Variants in CTNNBIP1 observed in about 807,000 individuals in gnomAD.
CTNNBIP1 encodes the protein beta-catenin-interacting protein 1.
Under a neutral mutation model 11.8 loss-of-function variants are expected in CTNNBIP1, and 7 were observed. The ratio of observed to expected loss-of-function variants is 0.60; its 90% CI spans 0.34 to 1.12. The LOEUF is 1.12. CTNNBIP1 is among the 50% of genes most tolerant of loss of function. The probability of loss-of-function intolerance (pLI) is 0.03; values close to 1 mark genes in which losing one functional copy is unlikely to be tolerated. For synonymous variants in CTNNBIP1, 58 were observed against 43.9 expected, an observed-to-expected ratio of 1.32 and a Z score of -1.26; for missense variants, 101 against 113.4, an observed-to-expected ratio of 0.89 and a Z score of 0.50.
chr1:9,876,595 C>A (rs776816864), intron 3 of CTNNBIP1, among the ~76,000 whole-genome samples: 1 of 152,052 alleles, frequency 6.6e-6, no homozygotes, highest in South Asian at 2.1e-4. Flanking sequence ...CCAACCTGAG[C>A]GACAGAGTGA....
chr1:9,852,621 G>A (rs1570553837), intron 5 of CTNNBIP1, among the ~76,000 whole-genome samples: 1 of 152,170 alleles, frequency 6.6e-6, no homozygotes. Context: ...TCCCCTGCAC[G>A]GCAGCTGAGT....
chr1:9,882,149 C>T (rs1377881819), intron 2 of CTNNBIP1, among the ~76,000 whole-genome samples: 4 of 152,116 alleles, frequency 2.6e-5, no homozygotes, highest in African/African-American at 9.7e-5. Flanking sequence ...CTGCCAATGG[C>T]TCCAGGGAGA....
At chr1:9,869,457 T>C (rs1638813172) in intron 5 of CTNNBIP1, among the ~76,000 whole-genome samples, 1 of 152,160 alleles carries the variant, frequency 6.6e-6, no homozygotes. Flanking sequence ...CCCAAGTAGC[T>C]GGGATTACAC....
chr1:9,895,052 C>A (rs964297984), intron 1 of CTNNBIP1, among the ~76,000 whole-genome samples: 10 of 152,024 alleles, frequency 6.6e-5, no homozygotes, highest in African/African-American at 2.4e-4. Context: ...GGACTACAGA[C>A]GCCCACCACC....
intron 5 of CTNNBIP1, among the ~76,000 whole-genome samples, chr1:9,854,296 A>T (rs1171240095): frequency 7.0e-6 from 1 of 143,208 alleles, no homozygotes; most frequent in East Asian, 2.3e-4. Flanking sequence ...TGAACCTGGG[A>T]GGTGGAGGTT....
chr1:9,859,521 G>A (rs919517028), intron 5 of CTNNBIP1, among the ~76,000 whole-genome samples: 4 of 152,156 alleles, frequency 2.6e-5, no homozygotes, highest in African/African-American at 9.7e-5. Flanking sequence ...AAAGCCTCCT[G>A]GGGGCCTCTG....
At position 9,871,506 on chromosome 1, in the gene CTNNBIP1, A is replaced by G. The variant is rs1279317340; in HGVS notation, c.97-229T>C. Reference sequence around the variant, plus strand: ...CTTTGCCACTCAGACTGAATCTGAGATTAAGGTCTGTTCTAGTATAGGGCC... The same window carrying G: ...CTTTGCCACTCAGACTGAATCTGAGGTTAAGGTCTGTTCTAGTATAGGGCC... On this transcript the variant is annotated intron_variant, in intron 4 of 5. Transcript: ENST00000377263. The surrounding 1 kb of genome is among the most constrained non-coding windows in gnomAD (Gnocchi z 5.2). Among the ~76,000 whole-genome samples the G allele has an allele frequency of 1.3e-5, 2 of 150,896 alleles. No individual in the cohort carries two copies. The highest frequency in any genetic ancestry group is 1.5e-5 in the Non-Finnish European group (1 of 67,644).
rs1226852330 is a variant in CTNNBIP1, at chr1:9,871,272, T to C, written c.102A>G (p.Thr34=). ...LMLRKMGSNL[T]ASEEEFLRTY... is the part of the protein sequence containing the mutation. ...TGCGCAGGAACTCCTCCTCGCTGGC[T>C]GTCAGCTGCAGGGTGAGAGAGCTGT... Residue 34 remains threonine (T), a synonymous_variant, in exon 5 of 6, where the codon ACA becomes ACG. Coordinates refer to ENST00000377263, the MANE Select transcript of CTNNBIP1 (RefSeq NM_020248.3). The surrounding 1 kb of genome is among the most constrained non-coding windows in gnomAD (Gnocchi z 5.2). 3 of 1,566,296 alleles carry C rather than the reference T, an allele frequency of 1.9e-6. No homozygotes were observed. The South Asian group carries it at 3.5e-5, about 18-fold the overall frequency.
intron 1 of CTNNBIP1, among the ~76,000 whole-genome samples, chr1:9,894,071 C>T (rs1639361589): frequency 6.6e-6 from 1 of 152,104 alleles, no homozygotes; most frequent in African/African-American, 2.4e-5. Context: ...TCCTCCTCAC[C>T]TTTTTCTTTT....
At chr1:9,889,120 C>G (rs1274867708) in intron 1 of CTNNBIP1, among the ~76,000 whole-genome samples, 1 of 152,222 alleles carries the variant, frequency 6.6e-6, no homozygotes, top group Non-Finnish European at 1.5e-5. Flanking sequence ...CAAAGTGCTC[C>G]AGCACAGGCA....
chr1:9,853,555 T>A (rs1638434930), intron 5 of CTNNBIP1, among the ~76,000 whole-genome samples: 3 of 152,222 alleles, frequency 2.0e-5, no homozygotes, highest in Admixed American at 6.5e-5. Context: ...GGCAGCTCCC[T>A]CAGGTAGTCT....
At chr1:9,884,705 C>A (rs1295312919) in intron 1 of CTNNBIP1, among the ~76,000 whole-genome samples, 1 of 152,132 alleles carries the variant, frequency 6.6e-6, no homozygotes, top group African/African-American at 2.4e-5. Context: ...GGAGGGCAGA[C>A]AATAAAACAC....
Position 9,871,937 on chromosome 1 carries a change from G to C in CTNNBIP1, c.96+32C>G. ...CCCTCCCTGGGAGACCCTCCCTGGG[G>C]GCCCGCTGCCTGACACCCCACAGGC... is the stretch of plus-strand genomic sequence containing the variant. On this transcript the variant is annotated intron_variant, in intron 4 of 5. Coordinates refer to ENST00000377263, the MANE Select transcript of CTNNBIP1 (RefSeq NM_020248.3). This position sits in a 1 kb window ranked among gnomAD's most constrained non-coding sequence, Gnocchi z 5.2. 6.3e-7 allele frequency: 1 copy of C among 1,589,556 alleles called. No individual in the cohort carries two copies.
Position 9,851,171 on chromosome 1 carries a change from C to T in CTNNBIP1, c.188-395G>A, listed in dbSNP as rs1324675955. Among the ~76,000 whole-genome samples the T allele has an allele frequency of 1.3e-5, 2 of 152,166 alleles. No individual in the cohort carries two copies. Among genetic ancestry groups the T allele is most frequent in the East Asian group, 1.9e-4 (1 of 5,170 alleles). ...AACCTCCCTCTTTCTTCTCAAGACT[C>T]GCGTCTTGATGCCTTCGGAGGGTCT... On this transcript the variant is annotated intron_variant, in intron 5 of 5. Transcript: ENST00000377263. This position sits in a 1 kb window ranked among gnomAD's most constrained non-coding sequence, Gnocchi z 4.8.
chr1:9,864,689 G>A (rs1208593919), intron 5 of CTNNBIP1, among the ~76,000 whole-genome samples: 1 of 152,182 alleles, frequency 6.6e-6, no homozygotes, highest in Non-Finnish European at 1.5e-5. Context: ...ACTGGCCATG[G>A]GTGGCCTTTG....
chr1:9,874,299 C>T (rs1457739440), intron 3 of CTNNBIP1, among the ~76,000 whole-genome samples: 4 of 152,144 alleles, frequency 2.6e-5, no homozygotes, highest in Non-Finnish European at 5.9e-5. Context: ...TGCTCTGGTG[C>T]CCAGGAGTAC....
chr1:9,906,980 C>A (rs1639632213), intron 1 of CTNNBIP1, among the ~76,000 whole-genome samples: 1 of 152,146 alleles, frequency 6.6e-6, no homozygotes, highest in African/African-American at 2.4e-5. Context: ...TAGAAACTAG[C>A]AGGCATCATA....
intron 1 of CTNNBIP1, among the ~76,000 whole-genome samples, chr1:9,901,002 T>C (rs1037428012): frequency 2.0e-5 from 3 of 152,050 alleles, no homozygotes; most frequent in African/African-American, 7.2e-5. Flanking sequence ...GTAAGTAAAA[T>C]GGGATTATTC....
chr1:9,850,651 C>G lies in CTNNBIP1; in HGVS notation c.*67G>C. Reference sequence around the variant, plus strand: ...GGCAAGGGGGGCTGCTGCCACTCAGCCGGCCCAGGAGCCACACAGATCTCT... The same window carrying G: ...GGCAAGGGGGGCTGCTGCCACTCAGGCGGCCCAGGAGCCACACAGATCTCT... On this transcript the variant is annotated 3_prime_UTR_variant, in exon 6 of 6. Transcript: ENST00000377263. 1.3e-6 allele frequency: 2 copies of G among 1,485,674 alleles called. No individual in the cohort carries two copies. Among genetic ancestry groups the G allele is most frequent in the Non-Finnish European group, 1.9e-6 (2 of 1,063,598 alleles). The allele number at this position is 1,485,674 out of a possible 1,614,324, so 92.0% of individuals were successfully genotyped here.
Sources: allele counts gnomAD v4.1 joint callset (sites outside exome capture counted in the v4.1 genomes callset), GRCh38; gene constraint gnomAD v4.1.1; non-coding constraint Gnocchi (gnomAD v3.1); transcripts MANE v1.5; gene names NCBI Gene and HGNC (gene_info 2026-07-23, HGNC 2026-07-21).